Variants in USP43 observed in about 807,000 individuals in gnomAD.
USP43 encodes ubiquitin specific peptidase 43.
Under a neutral mutation model 90.7 loss-of-function variants are expected in USP43, and 33 were observed. The ratio of observed to expected loss-of-function variants is 0.36; its 90% confidence interval spans 0.28 to 0.49. USP43 has a LOEUF of 0.49. Among genes scored for constraint, USP43 ranks in the 20% least tolerant of loss-of-function variants. The pLI is 0.98. For missense variants in USP43, 1,274 were observed against 1,476.4 expected (o/e 0.86, Z 2.25); for synonymous variants, 598 against 615.8 (o/e 0.97, Z 0.43).
chr17:9,669,114 G>A (rs570931122), intron 3 of USP43, among the ~76,000 whole-genome samples: 1 of 152,234 alleles, frequency 6.6e-6, no homozygotes, highest in African/African-American at 2.4e-5. Flanking sequence ...AAAGTGTTGG[G>A]ATTACAGACC....
intron 4 of USP43, among the ~76,000 whole-genome samples, chr17:9,676,275 G>A (rs1226946044): frequency 6.6e-6 from 1 of 152,148 alleles, no homozygotes. Context: ...TAGAAGATTT[G>A]GCTCTACCCT....
chr17:9,704,850 G>T (rs1005759532), intron 12 of USP43, among the ~76,000 whole-genome samples: 1 of 150,334 alleles, frequency 6.7e-6, no homozygotes, highest in Admixed American at 6.7e-5. Flanking sequence ...GGCCCTCAAA[G>T]CTGAGCTGTT....
intron 1 of USP43, among the ~76,000 whole-genome samples, chr17:9,649,070 A>G (rs1339102485): frequency 6.6e-6 from 1 of 151,686 alleles, no homozygotes; most frequent in Non-Finnish European, 1.5e-5. Flanking sequence ...AGCTCACTAC[A>G]GTTTTCAATT....
intron 2 of USP43, among the ~76,000 whole-genome samples, chr17:9,664,860 A>T (rs1195575164): frequency 6.6e-6 from 1 of 152,068 alleles, no homozygotes; most frequent in Admixed American, 6.5e-5. Context: ...GATGGTCTTG[A>T]TCTCCTGACC....
At chr17:9,665,198 A>T (rs976956579) in intron 2 of USP43, among the ~76,000 whole-genome samples, 8 of 152,168 alleles carry the variant, frequency 5.3e-5, no homozygotes, top group Admixed American at 3.3e-4. Context: ...GGGCACACAG[A>T]AGCCCTGAGG....
At chr17:9,699,714 G>A (rs923082376) in intron 9 of USP43, among the ~76,000 whole-genome samples, 1 of 152,232 alleles carries the variant, frequency 6.6e-6, no homozygotes, top group Admixed American at 6.5e-5. Context: ...ATGCACTGGA[G>A]GGTGTGGAAG....
chr17:9,672,602 A>G (rs1266245431), intron 3 of USP43, among the ~76,000 whole-genome samples: 1 of 152,190 alleles, frequency 6.6e-6, no homozygotes, highest in African/African-American at 2.4e-5. Flanking sequence ...TACGTGATGG[A>G]CAGAGGTGGA....
At chr17:9,678,208 T>C (rs1255085343) in intron 5 of USP43, among the ~76,000 whole-genome samples, 1 of 152,090 alleles carries the variant, frequency 6.6e-6, no homozygotes, top group Non-Finnish European at 1.5e-5. Flanking sequence ...TTCAGGGAGA[T>C]GGGAGTCAGT....
At chr17:9,672,060 G>A (rs763571775) in intron 3 of USP43, among the ~76,000 whole-genome samples, 5 of 152,000 alleles carry the variant, frequency 3.3e-5, no homozygotes, top group African/African-American at 7.3e-5. Flanking sequence ...GCAATGGCGC[G>A]ATCTCAGCTC....
chr17:9,702,155 G>T (rs1217410656), intron 12 of USP43, among the ~76,000 whole-genome samples: 5 of 151,808 alleles, frequency 3.3e-5, no homozygotes, highest in East Asian at 1.9e-4. Context: ...GAGGCCAGGG[G>T]TTCAAGACCA....
chr17:9,659,515 G>A (rs1048635968), intron 2 of USP43, among the ~76,000 whole-genome samples: 1 of 152,086 alleles, frequency 6.6e-6, no homozygotes, highest in Admixed American at 6.6e-5. Flanking sequence ...TTCCCATGGC[G>A]GGAGAGAGGA....
intron 8 of USP43, among the ~76,000 whole-genome samples, chr17:9,688,540 G>A (rs372229869): frequency 2.0e-5 from 3 of 151,462 alleles, no homozygotes; most frequent in African/African-American, 4.9e-5. Flanking sequence ...TAGTAGACAC[G>A]GGGTTTCACC....
In USP43 at chr17:9,701,320, G is replaced by A. The variant is rs1161934719; in HGVS notation, c.1663-32G>A. ...TTGGTGGGTTGGCCACGTGCTGCGG[G>A]GGCCTCACAGTCCGGGTGGTTTGCT... On this transcript the variant is annotated intron_variant, in intron 11 of 14. Transcript: ENST00000285199. The surrounding 1 kb of genome is among the most constrained non-coding windows in gnomAD (Gnocchi z 7.2). 6.3e-7 allele frequency: 1 copy of A among 1,587,452 alleles called. No homozygotes were observed. Among genetic ancestry groups the A allele is most frequent in the East Asian group, 2.3e-5 (1 of 43,720 alleles).
chr17:9,672,685 C>T (rs1913517706), intron 3 of USP43, among the ~76,000 whole-genome samples: 2 of 152,186 alleles, frequency 1.3e-5, no homozygotes, highest in South Asian at 4.1e-4. Flanking sequence ...CTGGTGTTCA[C>T]TGTCTGATAC....
intron 3 of USP43, among the ~76,000 whole-genome samples, chr17:9,672,117 T>C (rs1293027234): frequency 6.6e-6 from 1 of 152,070 alleles, no homozygotes; most frequent in African/African-American, 2.4e-5. Context: ...CTGCCTCAAC[T>C]TCCCAAGTAG....
At chr17:9,660,252 G>C (rs1010091846) in intron 2 of USP43, among the ~76,000 whole-genome samples, 3 of 152,166 alleles carry the variant, frequency 2.0e-5, no homozygotes, top group African/African-American at 7.2e-5. Context: ...CCGGGTTCAA[G>C]AGATTCTCCT....
At position 9,728,292 on chromosome 17, in the gene USP43, T is replaced by G; in HGVS notation, c.2674T>G (p.Cys892Gly). 6.2e-7 allele frequency: 1 copy of G among 1,613,122 alleles called. No individual in the cohort carries two copies. Among genetic ancestry groups the G allele is most frequent in the South Asian group, 1.1e-5 (1 of 90,886 alleles). ...TGAAAGAGGTCCAGCCGGGGTGCCC[T>G]GTCCCTCGGCTCAACCCAACCACTG... ...AIERGPAGVP[C>G]PSAQPNHCLA... The change falls in exon 15 of 15, where the codon TGT becomes GGT. Residue 892 changes from cysteine to glycine, a missense_variant. Transcript: ENST00000285199. The surrounding 1 kb of genome is among the most constrained non-coding windows in gnomAD (Gnocchi z 6.2).
chr17:9,691,533 C>T (rs1230050215), intron 8 of USP43, among the ~76,000 whole-genome samples: 2 of 152,074 alleles, frequency 1.3e-5, no homozygotes, highest in Non-Finnish European at 2.9e-5. Flanking sequence ...ATCATGCTGC[C>T]GTGAACATTG....
chr17:9,672,675 C>T (rs1647925759), intron 3 of USP43, among the ~76,000 whole-genome samples: 1 of 152,106 alleles, frequency 6.6e-6, no homozygotes, highest in Non-Finnish European at 1.5e-5. Flanking sequence ...TTCTGGCTGG[C>T]TGGTGTTCAC....
Sources: allele counts gnomAD v4.1 joint callset (sites outside exome capture counted in the v4.1 genomes callset), GRCh38; gene constraint gnomAD v4.1.1; non-coding constraint Gnocchi (gnomAD v3.1); transcripts MANE v1.5; gene names NCBI Gene and HGNC (gene_info 2026-07-23, HGNC 2026-07-21).